The following WHR1 variants were observed in gnomAD, a reference collection of about 807,000 sequenced individuals.
WHR1 encodes the protein MHC class III HLA-RP1.
chr6:31,978,857 T>G, the WHR1 span: 1 of 1,589,316 alleles, frequency 6.3e-7, no homozygotes, highest in African/African-American at 1.3e-5. Context: ...TAGCAGAGCA[T>G]CTTACCCTGA....
chr6:31,972,471 G>A, the WHR1 span: 2 of 1,613,022 alleles, frequency 1.2e-6, no homozygotes, highest in Non-Finnish European at 1.7e-6. The surrounding 1 kb of genome is among the most constrained non-coding windows in gnomAD (Gnocchi z 6.3). Flanking sequence ...GGCGGCGGAA[G>A]CGAGGGCCTG....
chr6:31,971,467 T>C, the WHR1 span: 14 of 1,613,894 alleles, frequency 8.7e-6, no homozygotes, highest in Non-Finnish European at 1.2e-5. The surrounding 1 kb of genome is among the most constrained non-coding windows in gnomAD (Gnocchi z 4.5). Flanking sequence ...GGGTGGGCTA[T>C]AGTAGCGCAG....
chr6:31,971,412 G>T, the WHR1 span: 2 of 1,606,252 alleles, frequency 1.2e-6, no homozygotes, highest in Non-Finnish European at 1.7e-6. This position sits in a 1 kb window ranked among gnomAD's most constrained non-coding sequence, Gnocchi z 4.5. Flanking sequence ...ATCGATCCGG[G>T]TATCCGTCTC....
chr6:31,971,634 C>A, the WHR1 span: 1 of 1,611,082 alleles, frequency 6.2e-7, no homozygotes, highest in Non-Finnish European at 8.5e-7. This position sits in a 1 kb window ranked among gnomAD's most constrained non-coding sequence, Gnocchi z 4.5. Context: ...GCTCAGCTAC[C>A]TCTGTCTTCT....
At chr6:31,971,655 C>A in the WHR1 span, 1 of 1,607,594 alleles carries the variant, frequency 6.2e-7, no homozygotes, top group Admixed American at 1.7e-5. This position sits in a 1 kb window ranked among gnomAD's most constrained non-coding sequence, Gnocchi z 4.5. Context: ...CAGCTCCTCT[C>A]TTGGTCCCCC....
the WHR1 span, chr6:31,972,262 G>A: frequency 6.2e-7 from 1 of 1,613,136 alleles, no homozygotes; most frequent in East Asian, 2.2e-5. This position sits in a 1 kb window ranked among gnomAD's most constrained non-coding sequence, Gnocchi z 6.3. Flanking sequence ...GGGCCTGAGG[G>A]ACGACAAGTT....
At chr6:31,975,890 C>T in the WHR1 span, among the ~76,000 whole-genome samples, 10 of 148,702 alleles carry the variant, frequency 6.7e-5, no homozygotes, top group East Asian at 2.1e-4. Flanking sequence ...CCGGACAGGG[C>T]GGCTGGCCGG....
chr6:31,976,138 AC>A, the WHR1 span, among the ~76,000 whole-genome samples: 15 of 126,322 alleles, frequency 1.2e-4, no homozygotes, highest in Non-Finnish European at 1.8e-4. Context: ...TGGGGGGCTG[AC>A]CCCCCCACCT....
chr6:31,973,870 A>G, the WHR1 span, among the ~76,000 whole-genome samples: 18 of 152,260 alleles, frequency 1.2e-4, no homozygotes, highest in African/African-American at 4.3e-4. Flanking sequence ...GGGACTCTAC[A>G]TTTTTGAACT....
chr6:31,976,529 G>A, the WHR1 span, among the ~76,000 whole-genome samples: 51 of 151,866 alleles, frequency 3.4e-4, no homozygotes, highest in Non-Finnish European at 5.9e-4. Flanking sequence ...ATGGGATGGC[G>A]GCCGGGCAGA....
the WHR1 span, chr6:31,979,727 A>C: frequency 1.3e-6 from 1 of 798,564 alleles, no homozygotes; most frequent in Non-Finnish European, 1.9e-6. Flanking sequence ...ACAAGAGAGG[A>C]GGCCTATCTT....
chr6:31,978,172 C>CA, the WHR1 span, among the ~76,000 whole-genome samples: 6 of 152,226 alleles, frequency 3.9e-5, no homozygotes, highest in Non-Finnish European at 8.8e-5. Flanking sequence ...GATGGGGTCT[C>CA]ACTGTGTTGC....
chr6:31,977,108 G>A, the WHR1 span, among the ~76,000 whole-genome samples: 2 of 151,886 alleles, frequency 1.3e-5, no homozygotes, highest in Non-Finnish European at 2.9e-5. Context: ...TTCCTTATGC[G>A]CCCAGTTACT....
chr6:31,979,813 GGAA>G, the WHR1 span: 3 of 439,610 alleles, frequency 6.8e-6, no homozygotes, highest in Non-Finnish European at 1.2e-5. Flanking sequence ...GGGCCTGGCA[GGAA>G]GTGTAAAAGC....
chr6:31,971,452 G>A, the WHR1 span: 1 of 1,613,838 alleles, frequency 6.2e-7, no homozygotes, highest in Non-Finnish European at 8.5e-7. This position sits in a 1 kb window ranked among gnomAD's most constrained non-coding sequence, Gnocchi z 4.5. Context: ...TGGACCGTTA[G>A]TGGGGGGTGG....
chr6:31,978,618 C>G, the WHR1 span, among the ~76,000 whole-genome samples: 1 of 152,186 alleles, frequency 6.6e-6, no homozygotes, highest in African/African-American at 2.4e-5. Flanking sequence ...TGTTTTGAAG[C>G]CACAGCCTGC....
At chr6:31,980,866 C>T in the WHR1 span, 2 of 1,340,426 alleles carry the variant, frequency 1.5e-6, no homozygotes, top group South Asian at 3.0e-5. Flanking sequence ...TTCCTCCCAG[C>T]TCATGCTTAG....
the WHR1 span, chr6:31,972,466 C>T: frequency 1.9e-6 from 3 of 1,612,970 alleles, no homozygotes; most frequent in East Asian, 2.2e-5. The surrounding 1 kb of genome is among the most constrained non-coding windows in gnomAD (Gnocchi z 6.3). Context: ...TAAGAGGCGG[C>T]GGAAGCGAGG....
At chr6:31,971,546 G>A in the WHR1 span, 1 of 1,614,026 alleles carries the variant, frequency 6.2e-7, no homozygotes. The surrounding 1 kb of genome is among the most constrained non-coding windows in gnomAD (Gnocchi z 4.5). Context: ...GAAGGGCGCC[G>A]GTAGAAAGGA....
Sources: gnomAD v4.1 joint callset for allele counts (sites outside exome capture counted in the v4.1 genomes callset) on GRCh38, gnomAD v4.1.1 for gene constraint, Gnocchi (gnomAD v3.1) non-coding constraint, MANE v1.5 for transcripts, NCBI Gene and HGNC (gene_info 2026-07-23, HGNC 2026-07-21) for gene names.